ERICH3: variants seen among roughly 807,000 people sequenced by gnomAD.
The protein encoded by ERICH3 is glutamate-rich protein 3.
A neutral mutation model predicts 131.1 loss-of-function variants in ERICH3; 126 were observed. That is an observed-to-expected ratio of 0.96 (90% confidence interval 0.83 to 1.11). The LOEUF is 1.11. Ranked by LOEUF, ERICH3 falls within the 50% of genes most tolerant of loss-of-function variation. The pLI is 0.00. For synonymous variants in ERICH3, 695 were observed against 644.6 expected, an observed-to-expected ratio of 1.08 and a Z score of -1.18; for missense variants, 2,050 against 1,810.7, an observed-to-expected ratio of 1.13 and a Z score of -2.40.
intron 12 of ERICH3, chr1:74,579,803 CTT>C: frequency 1.0e-6 from 1 of 985,260 alleles, no homozygotes; most frequent in Non-Finnish European, 1.2e-6. Context: ...AGGCTCCTGT[CTT>C]TTACCTATCA....
chr1:74,589,418 G>T, intron 12 of ERICH3: 3 of 585,000 alleles, frequency 5.1e-6, no homozygotes, highest in East Asian at 2.7e-5. Flanking sequence ...AGGCTGGATA[G>T]AAATTATCGA....
chr1:74,664,049 A>C (rs1570920312), intron 1 of ERICH3, among the ~76,000 whole-genome samples: 1 of 152,296 alleles, frequency 6.6e-6, no homozygotes, highest in Middle Eastern at 3.4e-3. Context: ...CAAATGCTAC[A>C]AGGAAAGTAT....
At position 74,599,391 on chromosome 1, in the gene ERICH3, C is replaced by T. The variant is rs139028280; in HGVS notation, c.1726+304G>A. ...GCTAAATGATGAGAACACATGGACA[C>T]ATAGTGGGGAACAACAAACACTGGG... On this transcript the variant is annotated intron_variant, in intron 11 of 14. Transcript: ENST00000326665. Among the ~76,000 whole-genome samples, 1,029 of 151,898 alleles carry T rather than the reference C, an allele frequency of 6.8e-3. 7 individuals carry two copies. The highest frequency in any genetic ancestry group is 0.043 in the South Asian group (206 of 4,822).
chr1:74,623,615 A>C (rs1396259335), intron 7 of ERICH3: 1 of 152,104 alleles, frequency 6.6e-6, no homozygotes, highest in East Asian at 1.9e-4. Flanking sequence ...TATTCCAGGA[A>C]AACTGAGAAG....
intron 13 of ERICH3, among the ~76,000 whole-genome samples, chr1:74,575,783 TTCTA>T (rs1647041660): frequency 6.6e-6 from 1 of 152,216 alleles, no homozygotes; most frequent in South Asian, 2.1e-4. Context: ...TATGCCTAAA[TTCTA>T]GGAGAGAAAG....
At chr1:74,631,366 G>A (rs530301438) in intron 7 of ERICH3, among the ~76,000 whole-genome samples, 3 of 152,040 alleles carry the variant, frequency 2.0e-5, no homozygotes, top group African/African-American at 7.2e-5. Context: ...GGTATATCAA[G>A]GTTTCTGAAT....
intron 11 of ERICH3, among the ~76,000 whole-genome samples, chr1:74,596,534 C>T (rs1278830788): frequency 2.0e-5 from 3 of 151,950 alleles, no homozygotes; most frequent in East Asian, 1.9e-4. Flanking sequence ...CACTGTTATT[C>T]GCTATAGTCA....
chr1:74,599,980 A>G, intron 10 of ERICH3, 49 bp from the exon 11 acceptor site: 1 of 1,324,170 alleles, frequency 7.6e-7, no homozygotes, highest in Non-Finnish European at 1.0e-6. Flanking sequence ...AACCCCTTAT[A>G]CTTAACCTAT....
intron 7 of ERICH3, chr1:74,622,510 T>C (rs1231506328): frequency 4.6e-5 from 7 of 152,266 alleles, no homozygotes. Flanking sequence ...AGCTGTGACA[T>C]GCCTGTGTGC....
At chr1:74,642,427 A>C (rs927744128) in intron 4 of ERICH3, among the ~76,000 whole-genome samples, 2 of 152,116 alleles carry the variant, frequency 1.3e-5, no homozygotes, top group African/African-American at 4.8e-5. Flanking sequence ...AAAACTGCCA[A>C]CCTAAATGGA....
At chr1:74,672,615 T>C (rs769445621) in intron 1 of ERICH3, among the ~76,000 whole-genome samples, 12 of 152,182 alleles carry the variant, frequency 7.9e-5, no homozygotes, top group Non-Finnish European at 1.3e-4. Context: ...CCTAAAAATG[T>C]GCAATAAATG....
chr1:74,651,872 A>G (rs1646537707), intron 1 of ERICH3, among the ~76,000 whole-genome samples: 1 of 152,130 alleles, frequency 6.6e-6, no homozygotes, highest in African/African-American at 2.4e-5. Context: ...GATCCTAATA[A>G]CAATTGCTTA....
At chr1:74,584,772 A>T (rs1208001836) in intron 12 of ERICH3, among the ~76,000 whole-genome samples, 1 of 152,166 alleles carries the variant, frequency 6.6e-6, no homozygotes, top group Non-Finnish European at 1.5e-5. Flanking sequence ...TCTTATGTTC[A>T]CATTGAGAAC....
chr1:74,594,817 G>A (rs1647772453), intron 11 of ERICH3, among the ~76,000 whole-genome samples: 1 of 152,034 alleles, frequency 6.6e-6, no homozygotes, highest in South Asian at 2.1e-4. Flanking sequence ...CTGCTAGCAA[G>A]GAGCATAATT....
At chr1:74,609,072 G>A (rs917720361) in intron 9 of ERICH3, among the ~76,000 whole-genome samples, 1 of 152,038 alleles carries the variant, frequency 6.6e-6, no homozygotes, top group Non-Finnish European at 1.5e-5. Context: ...AATTTGAGGT[G>A]TTGATTATGA....
At position 74,606,824 on chromosome 1, in the gene ERICH3, C is replaced by G. The variant is rs138387900; in HGVS notation, c.1266G>C (p.Glu422Asp). The change falls in exon 10 of 15, where the codon GAG becomes GAC. Residue 422 changes from glutamate (E) to aspartate (D), a missense_variant. Physicochemically the swap from Glu to Asp is conservative, Grantham distance 45 (BLOSUM62 2). Transcript: ENST00000326665. Reference sequence around the variant, plus strand: ...CTTTCCCCTCAGCCTTCTTCAGTTCCTCTCCTTTCTCAGTGCTCTTTTCTT... The same window carrying G: ...CTTTCCCCTCAGCCTTCTTCAGTTCGTCTCCTTTCTCAGTGCTCTTTTCTT... ...SRKEKSTEKGEELKKAEGKVR... is the reference protein window; with the variant it reads ...SRKEKSTEKGDELKKAEGKVR... 3 of 1,613,074 alleles carry G rather than the reference C, an allele frequency of 1.9e-6. No individual in the cohort carries two copies. The South Asian group carries it at 3.3e-5, about 18-fold the overall frequency.
At chr1:74,664,202 A>G (rs1646668064) in intron 1 of ERICH3, among the ~76,000 whole-genome samples, 1 of 152,168 alleles carries the variant, frequency 6.6e-6, no homozygotes, top group South Asian at 2.1e-4. Context: ...AATGGAAACT[A>G]TAATTATTTA....
In ERICH3 at chr1:74,589,962, G is replaced by C; in HGVS notation, c.1845C>G (p.Ala615=). ...TCAGTTCCTGAGAAGATGACCTTCT[G>C]GCACTTTCATCTGTGCTGCTGTCAG... is the stretch of plus-strand genomic sequence containing the variant. ...AHTDSSTDES[A]RRSSSQELSE... The change falls in exon 12 of 15, where the codon GCC becomes GCG. Residue 615 remains alanine, a synonymous_variant. Transcript: ENST00000326665. 6.2e-7 allele frequency: 1 copy of C among 1,613,938 alleles called. No homozygotes were observed. Among genetic ancestry groups the C allele is most frequent in the South Asian group, 1.1e-5 (1 of 91,074 alleles).
chr1:74,572,884 G>T lies in ERICH3; in HGVS notation c.2826C>A (p.Val942=), dbSNP rs147763194. The part of the protein sequence containing the change: ...EAEGGVAVSD[V]GESEEEASID... Reference sequence around the variant, plus strand: ...TGGATGCTTCCTCTTCACTTTCTCCGACATCACTCACAGCCACCCCACCCT... The same window carrying T: ...TGGATGCTTCCTCTTCACTTTCTCCTACATCACTCACAGCCACCCCACCCT... Residue 942 remains valine, a synonymous_variant, in exon 14 of 15, where the codon GTC becomes GTA. Transcript: ENST00000326665. 2 of 1,613,428 alleles carry T rather than the reference G, an allele frequency of 1.2e-6. No individual in the cohort carries two copies. Among genetic ancestry groups the T allele is most frequent in the Non-Finnish European group, 8.5e-7 (1 of 1,179,936 alleles).
Sources: gnomAD v4.1 joint callset for allele counts (sites outside exome capture counted in the v4.1 genomes callset) on GRCh38, gnomAD v4.1.1 for gene constraint, MANE v1.5 for transcripts, NCBI Gene and HGNC (gene_info 2026-07-23, HGNC 2026-07-21) for gene names.